The following ASB9 variants were observed in gnomAD, a reference collection of about 807,000 sequenced individuals.
ASB9 encodes ankyrin repeat and SOCS box protein 9.
A neutral mutation model predicts 16.6 loss-of-function variants in ASB9; 5 were observed. The observed-to-expected ratio is 0.30, with a 90% CI of 0.16 to 0.63. The LOEUF (loss-of-function observed/expected upper bound fraction) is 0.63, where lower values mean the gene tolerates loss of function less well. Ranked by LOEUF, ASB9 falls within the 30% of genes least tolerant of loss-of-function variation. ASB9 has a pLI of 0.82. For missense variants in ASB9, 216 were observed against 229.4 expected, an observed-to-expected ratio of 0.94 and a Z score of 0.38; for synonymous variants, 100 against 86.4, an observed-to-expected ratio of 1.16 and a Z score of -0.87.
intron 2 of ASB9, among the ~76,000 whole-genome samples, chrX:15,255,106 C>T (rs977225089): frequency 1.6e-4 from 18 of 111,560 alleles, no homozygotes; most frequent in African/African-American, 5.9e-4. Context: ...CAATTTGACT[C>T]TTAGGTATAT....
chrX:15,266,424 T>C (rs1926396767), intron 1 of ASB9, among the ~76,000 whole-genome samples: 1 of 111,615 alleles, frequency 9.0e-6, no homozygotes, highest in South Asian at 3.7e-4. Context: ...CACCAATGGC[T>C]CTCAATTTCC....
intron 2 of ASB9, among the ~76,000 whole-genome samples, chrX:15,257,873 A>G (rs1404643830): frequency 8.9e-6 from 1 of 112,049 alleles, no homozygotes; most frequent in Non-Finnish European, 1.9e-5. Flanking sequence ...ACAGATTGGA[A>G]GTATTCTTGC....
chrX:15,267,425 T>TTAAAAAAAAAAAA (rs377056337), intron 1 of ASB9, among the ~76,000 whole-genome samples: 3 of 87,646 alleles, frequency 3.4e-5, no homozygotes, highest in African/African-American at 1.2e-4. Flanking sequence ...AAAATATATA[T>TTAAAAAAAAAAAA]ATATATATAA....
chrX:15,248,918 C>T lies in ASB9; in HGVS notation c.586G>A (p.Gly196Arg). 8.3e-7 allele frequency: 1 copy of T among 1,198,905 alleles called. No individual in the cohort carries two copies. Among genetic ancestry groups the T allele is most frequent in the Non-Finnish European group, 1.1e-6 (1 of 887,854 alleles). Residue 196 changes from glycine to arginine, a missense_variant, in exon 6 of 7, where the codon GGG (glycine) becomes AGG (arginine). By Grantham distance (125) the Gly-to-Arg change is moderately radical (BLOSUM62 -2). Coordinates refer to ENST00000380488, the MANE Select transcript of ASB9 (RefSeq NM_001031739.3). The stretch of plus-strand genomic sequence containing the variant: ...TGAAGTGGGGAATCCTGACCTTTCC[C>T]TTGGTTCACGTCCGCTCCTAAACAG... ...LLESGADVNQ[G>R]KGQDSPLHAV...
At chrX:15,267,417 A>AAAATAC (rs780282231) in intron 1 of ASB9, among the ~76,000 whole-genome samples, 1 of 78,029 alleles carries the variant, frequency 1.3e-5, no homozygotes, top group Non-Finnish European at 2.3e-5. Flanking sequence ...CTAAAAAAAA[A>AAAATAC]ATATATATAT....
Position 15,254,266 on chromosome X carries a change from A to C in ASB9, c.282+471T>G, listed in dbSNP as rs537014983. 1.2e-3 allele frequency among the ~76,000 whole-genome samples: 131 copies of C among 112,453 alleles called. No homozygotes were observed. The South Asian group carries it at 0.012, about 10-fold the overall frequency. On this transcript the variant is annotated intron_variant, in intron 3 of 6. Coordinates refer to ENST00000380488, the MANE Select transcript of ASB9 (RefSeq NM_001031739.3). ...CATTTGCTGTTGCCAGAAGATAGCAAGCCCATAATTTTCCCCAACCCACCA... is the reference window on the plus strand; with the variant it reads ...CATTTGCTGTTGCCAGAAGATAGCACGCCCATAATTTTCCCCAACCCACCA...
At position 15,243,992 on chromosome X, in the gene ASB9, C is replaced by T. The variant is rs950080746; in HGVS notation, c.*514G>A. On this transcript the variant is annotated 3_prime_UTR_variant, in exon 7 of 7. Coordinates refer to ENST00000380488, the MANE Select transcript of ASB9 (RefSeq NM_001031739.3). ...ACAGGGAAGCTTAAAACAAATTAGA[C>T]AAGCCAAGAAATATGTTTCTTTATT... The T allele has an allele frequency of 8.8e-6, 1 of 114,059 alleles. No homozygotes were observed. The highest frequency in any genetic ancestry group is 3.2e-5 in the African/African-American group (1 of 30,882). The allele number at this position is 114,059 out of a possible 1,213,427, so 9.4% of individuals were successfully genotyped here. A position where few individuals can be genotyped will look rare whatever the true frequency, so the allele number is the denominator to read the frequency against.
intron 4 of ASB9, among the ~76,000 whole-genome samples, chrX:15,251,220 C>T (rs1359676534): frequency 2.7e-5 from 3 of 111,845 alleles, no homozygotes; most frequent in Non-Finnish European, 5.6e-5. Flanking sequence ...TATGGAGGAA[C>T]AGGACCTGAA....
Position 15,252,374 on chromosome X carries a change from GAGTGTGCC to G in ASB9, c.305_312del (p.Trp102SerfsTer4). ...CCGCTGACACAAGCATTAAACAGTG[GAGTGTGCC>G]AGTCTGCTGTCACACCATTCACCTG... On this transcript the variant is annotated frameshift_variant, in exon 4 of 7. Coordinates refer to ENST00000380488, the MANE Select transcript of ASB9 (RefSeq NM_001031739.3). LOFTEE classifies it high-confidence loss of function. 1 of 1,208,742 alleles carries G rather than the reference GAGTGTGCC, an allele frequency of 8.3e-7. No individual in the cohort carries two copies. The highest frequency in any genetic ancestry group is 1.1e-6 in the Non-Finnish European group (1 of 894,375).
At chrX:15,259,804 C>T (rs933608921) in intron 1 of ASB9, among the ~76,000 whole-genome samples, 3 of 112,607 alleles carry the variant, frequency 2.7e-5, no homozygotes, top group Non-Finnish European at 5.6e-5. Context: ...AACGTTGTTT[C>T]ATGCACAAAC....
At chrX:15,262,648 T>C (rs760325287) in intron 1 of ASB9, among the ~76,000 whole-genome samples, 4 of 113,024 alleles carry the variant, frequency 3.5e-5, no homozygotes, top group Non-Finnish European at 5.6e-5. Context: ...TGTTGGTTTT[T>C]TGAGACGGAG....
chrX:15,264,321 C>G (rs1404739095), intron 1 of ASB9, among the ~76,000 whole-genome samples: 2 of 111,627 alleles, frequency 1.8e-5, no homozygotes, highest in African/African-American at 6.5e-5. Flanking sequence ...ACGACCTCAC[C>G]TGAACTAATC....
chrX:15,269,004 G>C (rs182529615), intron 1 of ASB9, among the ~76,000 whole-genome samples: 1 of 110,242 alleles, frequency 9.1e-6, no homozygotes, highest in Non-Finnish European at 1.9e-5. Context: ...TTTGCTCTCC[G>C]AAAGTTACGA....
intron 1 of ASB9, among the ~76,000 whole-genome samples, chrX:15,267,545 C>T (rs1198093922): frequency 1.3e-5 from 1 of 79,771 alleles, no homozygotes; most frequent in African/African-American, 5.0e-5. Context: ...GAGATTGAGA[C>T]CATCCTGGCT....
chrX:15,246,611 G>C (rs1451793114), intron 6 of ASB9, among the ~76,000 whole-genome samples: 1 of 111,348 alleles, frequency 9.0e-6, no homozygotes, highest in East Asian at 2.8e-4. Flanking sequence ...GAGTACCTGG[G>C]ACTACAGGTG....
At chrX:15,251,598 T>G (rs1925125469) in intron 4 of ASB9, among the ~76,000 whole-genome samples, 1 of 112,155 alleles carries the variant, frequency 8.9e-6, no homozygotes, top group African/African-American at 3.2e-5. Context: ...TGAAAGCCAC[T>G]GGAGAAACAG....
At chrX:15,260,408 A>G (rs1925886062) in intron 1 of ASB9, among the ~76,000 whole-genome samples, 1 of 112,324 alleles carries the variant, frequency 8.9e-6, no homozygotes, top group Non-Finnish European at 1.9e-5. Context: ...AAAAAAATAA[A>G]ATAAAATAGC....
rs5934228 is a variant in ASB9, at chrX:15,252,525, T to A, written c.283-121A>T. On this transcript the variant is annotated intron_variant, in intron 3 of 6. Coordinates refer to ENST00000380488, the MANE Select transcript of ASB9 (RefSeq NM_001031739.3). ...AGCCTTAAATTCCTCAGCTATAAAA[T>A]GGAGAAATAACTACGAAATTCCACA... 0.036 allele frequency: 25,715 copies of A among 722,412 alleles called. 404 individuals carry two copies. Among genetic ancestry groups the A allele is most frequent in the Non-Finnish European group, 0.043 (22,084 of 513,971 alleles). 59.5% of individuals were successfully genotyped at this position (722,412 alleles called of 1,213,427 possible). A position where few individuals can be genotyped will look rare whatever the true frequency, so the allele number is the denominator to read the frequency against.
At chrX:15,244,769 T>G in intron 6 of ASB9, 139 bp from the exon 7 acceptor site, 1 of 650,347 alleles carries the variant, frequency 1.5e-6, no homozygotes, top group East Asian at 4.1e-5. Context: ...TTTCTGGGGT[T>G]TTTTTGTAGA....
Sources: allele counts gnomAD v4.1 joint callset (sites outside exome capture counted in the v4.1 genomes callset), GRCh38; gene constraint gnomAD v4.1.1; transcripts MANE v1.5; gene names NCBI Gene and HGNC (gene_info 2026-07-23, HGNC 2026-07-21).